The following PHACTR4 variants were observed in gnomAD, a reference collection of about 807,000 sequenced individuals.
The protein encoded by PHACTR4 is phosphatase and actin regulator 4.
Under a neutral mutation model 72.7 loss-of-function variants are expected in PHACTR4, and 51 were observed. The ratio of observed to expected loss-of-function variants is 0.70; its 90% CI spans 0.56 to 0.89. The LOEUF is 0.89. Among genes scored for constraint, PHACTR4 ranks in the 40% least tolerant of loss-of-function variants. The pLI, the probability that PHACTR4 is intolerant of heterozygous loss-of-function variation, is 0.00. For synonymous variants in PHACTR4, 255 were observed against 302.5 expected, an observed-to-expected ratio of 0.84 and a Z score of 1.63; for missense variants, 731 against 861.8, an observed-to-expected ratio of 0.85 and a Z score of 1.90.
intron 1 of PHACTR4, among the ~76,000 whole-genome samples, chr1:28,402,869 C>T (rs897041921): frequency 3.3e-5 from 5 of 152,114 alleles, no homozygotes; most frequent in Non-Finnish European, 7.4e-5. Context: ...GGATCATCCC[C>T]TAGGATTGAT....
At chr1:28,390,039 A>G (rs560310600) in intron 1 of PHACTR4, among the ~76,000 whole-genome samples, 2 of 152,340 alleles carry the variant, frequency 1.3e-5, no homozygotes, top group South Asian at 2.1e-4. Flanking sequence ...TCAGCCTTGA[A>G]AAAGAAGGGA....
chr1:28,418,208 A>G (rs1231637603), intron 2 of PHACTR4, among the ~76,000 whole-genome samples: 2 of 152,046 alleles, frequency 1.3e-5, no homozygotes, highest in African/African-American at 4.8e-5. Context: ...GCTCATGCCT[A>G]TCCCAGCACA....
chr1:28,389,531 G>A (rs984195210), intron 1 of PHACTR4, among the ~76,000 whole-genome samples: 3 of 148,210 alleles, frequency 2.0e-5, no homozygotes, highest in African/African-American at 7.5e-5. Flanking sequence ...AGGCTGGAGT[G>A]CAGTGACGCA....
chr1:28,426,092 G>A (rs912173720), intron 2 of PHACTR4, among the ~76,000 whole-genome samples: 1 of 152,052 alleles, frequency 6.6e-6, no homozygotes, highest in Admixed American at 6.6e-5. Flanking sequence ...GTAGTGGCAG[G>A]CGCCTGTAAT....
intron 2 of PHACTR4, among the ~76,000 whole-genome samples, chr1:28,443,127 C>G (rs1657160346): frequency 6.6e-6 from 1 of 152,040 alleles, no homozygotes; most frequent in Non-Finnish European, 1.5e-5. Flanking sequence ...ACTTTTTACT[C>G]CTATGAGATC....
Position 28,407,267 on chromosome 1 carries a change from A to G in PHACTR4, c.-38-143A>G, listed in dbSNP as rs943549013. The G allele has an allele frequency of 3.0e-5, 12 of 396,556 alleles. No individual in the cohort carries two copies. The South Asian group carries it at 3.2e-4, about 11-fold the overall frequency. 24.6% of individuals were successfully genotyped at this position (396,556 alleles called of 1,614,324 possible). ...CTGTCTCAAAAAAAAAAAAAAAACT[A>G]TCATTTAATAAGTTGTACATTTCTA... On this transcript the variant is annotated intron_variant, in intron 1 of 13. Coordinates refer to ENST00000373839, the MANE Select transcript of PHACTR4 (RefSeq NM_001048183.3).
chr1:28,477,527 G>A (rs976461238), intron 8 of PHACTR4, among the ~76,000 whole-genome samples: 3 of 151,898 alleles, frequency 2.0e-5, no homozygotes, highest in Non-Finnish European at 4.4e-5. Context: ...GGGTACATGA[G>A]ATATTTTGAT....
At chr1:28,382,568 G>A (rs906425128) in intron 1 of PHACTR4, among the ~76,000 whole-genome samples, 1 of 152,104 alleles carries the variant, frequency 6.6e-6, no homozygotes, top group African/African-American at 2.4e-5. Flanking sequence ...CTCCCAAAGT[G>A]CTGGGACTAC....
At chr1:28,448,360 G>A (rs1402098491) in intron 2 of PHACTR4, among the ~76,000 whole-genome samples, 1 of 151,290 alleles carries the variant, frequency 6.6e-6, no homozygotes, top group Non-Finnish European at 1.5e-5. Flanking sequence ...TCCAGCCTGG[G>A]TGACAGAGCA....
intron 13 of PHACTR4, among the ~76,000 whole-genome samples, chr1:28,494,906 T>C (rs898028863): frequency 5.9e-5 from 9 of 152,092 alleles, no homozygotes; most frequent in African/African-American, 2.2e-4. Context: ...AAAGATGATA[T>C]GGAAGGATGA....
At chr1:28,405,603 A>G (rs1569849235) in intron 1 of PHACTR4, among the ~76,000 whole-genome samples, 1 of 152,086 alleles carries the variant, frequency 6.6e-6, no homozygotes, top group East Asian at 1.9e-4. Context: ...CTGGGATTAC[A>G]GGTGTGAACC....
chr1:28,490,896 A>T (rs1660997013), intron 10 of PHACTR4, 55 bp from the exon 11 acceptor site: 2 of 1,490,350 alleles, frequency 1.3e-6, no homozygotes. Context: ...AAAACGTTTG[A>T]TATGCAAATT....
chr1:28,392,368 G>A (rs1653123001), intron 1 of PHACTR4, among the ~76,000 whole-genome samples: 4 of 151,620 alleles, frequency 2.6e-5, no homozygotes, highest in Admixed American at 1.3e-4. Flanking sequence ...GAGTAGTGAT[G>A]CTGGCAATTT....
At chr1:28,487,518 CAAAAAAAAAA>C (rs796633179) in intron 9 of PHACTR4, among the ~76,000 whole-genome samples, 17 of 77,318 alleles carry the variant, frequency 2.2e-4, no homozygotes, top group Admixed American at 3.2e-4. Context: ...GACACACACA[CAAAAAAAAAA>C]AAAAAAAAAG....
At chr1:28,393,698 C>T (rs1270871613) in intron 1 of PHACTR4, among the ~76,000 whole-genome samples, 1 of 149,910 alleles carries the variant, frequency 6.7e-6, no homozygotes, top group East Asian at 1.9e-4. Flanking sequence ...CACACACACA[C>T]ATATTTTTAT....
chr1:28,426,554 C>T (rs1176863464), intron 2 of PHACTR4, among the ~76,000 whole-genome samples: 4 of 152,004 alleles, frequency 2.6e-5, no homozygotes, highest in African/African-American at 7.2e-5. Context: ...GTCCCAGCTA[C>T]TCTGGAGGCT....
At position 28,491,629 on chromosome 1, in the gene PHACTR4, AAG is replaced by A; in HGVS notation, c.1879-18_1879-17del. 1.2e-6 allele frequency: 2 copies of A among 1,613,896 alleles called. No individual in the cohort carries two copies. Among genetic ancestry groups the A allele is most frequent in the Non-Finnish European group, 1.7e-6 (2 of 1,179,848 alleles). On this transcript the variant is annotated intron_variant, in intron 11 of 13. Transcript: ENST00000373839. Reference sequence around the variant, plus strand: ...TGCCTAATTATTGGCTTGGTGAACTAAGAGGCTCCGTTTCCTTCAGCTCAGTC... The same window carrying A: ...TGCCTAATTATTGGCTTGGTGAACTAAGGCTCCGTTTCCTTCAGCTCAGTC...
At chr1:28,449,849 A>AT (rs1657810075) in intron 2 of PHACTR4, among the ~76,000 whole-genome samples, 1 of 146,434 alleles carries the variant, frequency 6.8e-6, no homozygotes, top group African/African-American at 2.7e-5. Flanking sequence ...GACACTCTGT[A>AT]TAAAAAAAAA....
chr1:28,393,059 T>TA (rs1653182937), intron 1 of PHACTR4, among the ~76,000 whole-genome samples: 1 of 152,172 alleles, frequency 6.6e-6, no homozygotes. Context: ...AGTTATCCAC[T>TA]GGGGGCTTTG....
Sources: gnomAD v4.1 joint callset for allele counts (sites outside exome capture counted in the v4.1 genomes callset) on GRCh38, gnomAD v4.1.1 for gene constraint, MANE v1.5 for transcripts, NCBI Gene and HGNC (gene_info 2026-07-23, HGNC 2026-07-21) for gene names.